The following RGL1 variants were observed in gnomAD, a reference collection of about 807,000 sequenced individuals.
RGL1 encodes the protein ral guanine nucleotide dissociation stimulator-like 1.
A neutral mutation model predicts 95.2 loss-of-function variants in RGL1; 24 were observed. The ratio of observed to expected loss-of-function variants is 0.25; its 90% confidence interval spans 0.18 to 0.35. The LOEUF (loss-of-function observed/expected upper bound fraction) is 0.35, where lower values mean the gene tolerates loss of function less well. Among genes scored for constraint, RGL1 ranks in the 10% least tolerant of loss-of-function variants. The probability of loss-of-function intolerance (pLI) is 1.00; values close to 1 mark genes in which losing one functional copy is unlikely to be tolerated. For synonymous variants in RGL1, 329 were observed against 344.9 expected (o/e 0.95, Z 0.51); for missense variants, 715 against 936.3 (o/e 0.76, Z 3.08).
At chr1:183,900,298 T>A in intron 11 of RGL1, 62 bp downstream of exon 11, 14 of 1,281,194 alleles carry the variant, frequency 1.1e-5, no homozygotes, top group East Asian at 2.3e-5. Context: ...CCCTAAAGAG[T>A]AGTTAACTTC....
chr1:183,809,698 A>C (rs919959007), intron 2 of RGL1, among the ~76,000 whole-genome samples: 15 of 152,226 alleles, frequency 9.9e-5, no homozygotes, highest in African/African-American at 3.4e-4. Context: ...TAATCCCAGC[A>C]CTTTGAGAGG....
intron 1 of RGL1, among the ~76,000 whole-genome samples, chr1:183,726,069 A>G (rs1656296122): frequency 6.6e-6 from 1 of 152,210 alleles, no homozygotes; most frequent in Admixed American, 6.5e-5. Flanking sequence ...TTAATGGTTT[A>G]AAGATGAAAT....
intron 1 of RGL1, among the ~76,000 whole-genome samples, chr1:183,652,342 A>G (rs6658393): frequency 0.082 from 12,430 of 152,214 alleles, 994 homozygotes; most frequent in African/African-American, 0.21. Flanking sequence ...CTGTGGCTTT[A>G]ACACATAGTG....
intron 17 of RGL1, among the ~76,000 whole-genome samples, chr1:183,923,948 C>T (rs74133035): frequency 0.015 from 2,320 of 152,262 alleles, 79 homozygotes; most frequent in African/African-American, 0.054. Flanking sequence ...GGTTGCCTCC[C>T]CGACCCCACT....
At chr1:183,820,948 C>G (rs1170384181) in intron 2 of RGL1, among the ~76,000 whole-genome samples, 1 of 151,962 alleles carries the variant, frequency 6.6e-6, no homozygotes, top group Non-Finnish European at 1.5e-5. Flanking sequence ...GCCTGGCCAA[C>G]ATGGTGAAAC....
chr1:183,672,516 C>T (rs1184689085), intron 1 of RGL1, among the ~76,000 whole-genome samples: 1 of 152,118 alleles, frequency 6.6e-6, no homozygotes, highest in Non-Finnish European at 1.5e-5. Context: ...AATTATCATT[C>T]ATTTTTCAAT....
At position 183,926,365 on chromosome 1, in the gene RGL1, T is replaced by C; in HGVS notation, c.*73T>C. 2.4e-6 allele frequency: 3 copies of C among 1,252,296 alleles called. No individual in the cohort carries two copies. The highest frequency in any genetic ancestry group is 3.3e-6 in the Non-Finnish European group (3 of 899,982). The allele number at this position is 1,252,296 out of a possible 1,614,324, so 77.6% of individuals were successfully genotyped here. On this transcript the variant is annotated 3_prime_UTR_variant, in exon 18 of 18. Transcript: ENST00000360851. ...AGAAACAGGCTGCGGTGATTGCAAT[T>C]ACCATCCGGTGTTCGAGGATCATTG...
intron 1 of RGL1, among the ~76,000 whole-genome samples, chr1:183,709,148 G>A (rs1655107471): frequency 6.6e-6 from 1 of 152,168 alleles, no homozygotes; most frequent in Admixed American, 6.5e-5. Context: ...CAGGGGGTAC[G>A]TGTCTTCTGC....
At chr1:183,866,713 TAGA>T (rs1274323052) in intron 4 of RGL1, among the ~76,000 whole-genome samples, 4 of 152,020 alleles carry the variant, frequency 2.6e-5, no homozygotes. Flanking sequence ...AAGAAGCGCT[TAGA>T]AGGTTTTGAG....
At chr1:183,843,772 G>A (rs1265370215) in intron 2 of RGL1, among the ~76,000 whole-genome samples, 1 of 152,090 alleles carries the variant, frequency 6.6e-6, no homozygotes, top group African/African-American at 2.4e-5. Context: ...CCACTGAGAA[G>A]CCATTCCTTT....
chr1:183,854,850 T>C (rs1435156157), intron 3 of RGL1, among the ~76,000 whole-genome samples: 1 of 152,186 alleles, frequency 6.6e-6, no homozygotes, highest in Non-Finnish European at 1.5e-5. Flanking sequence ...ACCTAATTTA[T>C]AGAGTTATTA....
intron 4 of RGL1, among the ~76,000 whole-genome samples, chr1:183,871,296 G>C (rs985053314): frequency 3.9e-5 from 6 of 152,204 alleles, no homozygotes; most frequent in Non-Finnish European, 8.8e-5. Context: ...CATGAATAAA[G>C]AGCTGAGCTA....
intron 7 of RGL1, among the ~76,000 whole-genome samples, chr1:183,887,902 C>T (rs190071545): frequency 2.8e-4 from 43 of 152,274 alleles, no homozygotes; most frequent in Non-Finnish European, 8.8e-5. Flanking sequence ...TTTATGGTTG[C>T]AGGACAAGCC....
chr1:183,810,408 G>A (rs1661630038), intron 2 of RGL1, among the ~76,000 whole-genome samples: 1 of 152,212 alleles, frequency 6.6e-6, no homozygotes, highest in African/African-American at 2.4e-5. Flanking sequence ...TGCAGTCCTT[G>A]TGGTGGGGCA....
chr1:183,711,473 G>C (rs192331316), intron 1 of RGL1, among the ~76,000 whole-genome samples: 16 of 152,156 alleles, frequency 1.1e-4, no homozygotes, highest in Non-Finnish European at 2.2e-4. Flanking sequence ...GTGTTGGGGG[G>C]TGAGGTGACA....
At chr1:183,684,241 A>G (rs1451351670) in intron 1 of RGL1, among the ~76,000 whole-genome samples, 1 of 152,154 alleles carries the variant, frequency 6.6e-6, no homozygotes. Flanking sequence ...CTGGAGGAGA[A>G]GAGGCATTCT....
intron 1 of RGL1, among the ~76,000 whole-genome samples, chr1:183,739,845 G>A (rs771109893): frequency 6.6e-6 from 1 of 152,190 alleles, no homozygotes; most frequent in Non-Finnish European, 1.5e-5. Context: ...TTCCAACGCT[G>A]AAAATTTGCC....
chr1:183,640,335 C>A (rs1017410645), intron 1 of RGL1, among the ~76,000 whole-genome samples: 7 of 152,146 alleles, frequency 4.6e-5, no homozygotes, highest in African/African-American at 1.7e-4. Context: ...GTCCTTGAGA[C>A]AGGACTTCCA....
chr1:183,798,151 G>A (rs1316466795), intron 2 of RGL1, among the ~76,000 whole-genome samples: 4 of 152,102 alleles, frequency 2.6e-5, no homozygotes, highest in Non-Finnish European at 5.9e-5. Flanking sequence ...TGGAAATCCT[G>A]CCCTCTCACT....
Sources: allele counts gnomAD v4.1 joint callset (sites outside exome capture counted in the v4.1 genomes callset), GRCh38; gene constraint gnomAD v4.1.1; transcripts MANE v1.5; gene names NCBI Gene and HGNC (gene_info 2026-07-23, HGNC 2026-07-21).